Variants in TRPS1 observed in about 807,000 individuals in gnomAD.
The protein encoded by TRPS1 is zinc finger transcription factor Trps1.
In TRPS1, 6 loss-of-function variants were observed where a neutral mutation model predicts 101.2. That is an observed-to-expected ratio of 0.06 (90% CI 0.03 to 0.12). The LOEUF is 0.12. Ranked by LOEUF, TRPS1 falls within the 10% of genes least tolerant of loss-of-function variation. TRPS1 has a pLI of 1.00. For missense variants in TRPS1, 1,363 were observed against 1,567.0 expected (o/e 0.87, Z 2.20); for synonymous variants, 578 against 589.8 (o/e 0.98, Z 0.29).
chr8:115,432,242 A>T (rs1180633), intron 5 of TRPS1, among the ~76,000 whole-genome samples: 151,759 of 151,760 alleles, frequency 1, 75,879 homozygotes, highest in Non-Finnish European at 1. Context: ...CAGTAGGATT[A>T]AACGAAGAAT....
intron 5 of TRPS1, among the ~76,000 whole-genome samples, chr8:115,485,708 C>T (rs1013904667): frequency 3.3e-5 from 5 of 152,006 alleles, no homozygotes; most frequent in African/African-American, 4.8e-5. Context: ...CGAAAAGGCA[C>T]AGATATAGGA....
At chr8:115,438,516 T>A (rs755358678) in intron 5 of TRPS1, among the ~76,000 whole-genome samples, 1 of 152,334 alleles carries the variant, frequency 6.6e-6, no homozygotes, top group East Asian at 1.9e-4. Context: ...TGCCTCTACC[T>A]CTGCCAGTCA....
intron 5 of TRPS1, among the ~76,000 whole-genome samples, chr8:115,446,456 C>T (rs1273997113): frequency 6.6e-6 from 1 of 151,998 alleles, no homozygotes; most frequent in Non-Finnish European, 1.5e-5. Flanking sequence ...AGATTGGTTC[C>T]TGTTTCAAAA....
intron 5 of TRPS1, among the ~76,000 whole-genome samples, chr8:115,463,531 A>C (rs1278774555): frequency 6.6e-6 from 1 of 152,048 alleles, no homozygotes; most frequent in East Asian, 1.9e-4. Flanking sequence ...GGAGTGGTGC[A>C]TGGGAGTCTG....
At chr8:115,625,483 G>C (rs975475476) in intron 1 of TRPS1, among the ~76,000 whole-genome samples, 2 of 151,776 alleles carry the variant, frequency 1.3e-5, no homozygotes, top group African/African-American at 4.8e-5. Flanking sequence ...CCGGCGCCAA[G>C]GGTGGTTTAA....
intron 1 of TRPS1, among the ~76,000 whole-genome samples, chr8:115,636,175 A>G (rs142502586): frequency 0.011 from 1,618 of 152,080 alleles, 26 homozygotes; most frequent in Middle Eastern, 0.052. Flanking sequence ...GTATATGTAC[A>G]TACATATAAT....
intron 5 of TRPS1, among the ~76,000 whole-genome samples, chr8:115,490,804 TTG>T: frequency 6.6e-6 from 1 of 152,184 alleles, no homozygotes; most frequent in East Asian, 1.9e-4. Flanking sequence ...TCCCAGAATT[TTG>T]GAGGCTGGTT....
In TRPS1 at chr8:115,418,532, G is replaced by C. The variant is rs191821073; in HGVS notation, c.2701-80C>G. ...TAGACCAAATCAACCCAGGAGTTTT[G>C]TCTTTAAACTAGCAACAATGACAGT... On this transcript the variant is annotated intron_variant, in intron 5 of 6. Transcript: ENST00000395715. The surrounding 1 kb of genome is among the most constrained non-coding windows in gnomAD (Gnocchi z 4.3). 1 of 1,597,862 alleles carries C rather than the reference G, an allele frequency of 6.3e-7. No individual in the cohort carries two copies. The highest frequency in any genetic ancestry group is 1.3e-5 in the African/African-American group (1 of 74,556).
At position 115,604,062 on chromosome 8, in the gene TRPS1, G is replaced by A. The variant is rs369903440; in HGVS notation, c.1907C>T (p.Thr636Ile). 1.7e-5 allele frequency: 27 copies of A among 1,613,964 alleles called. No individual in the cohort carries two copies. In the African/African-American group the frequency reaches 3.3e-4, roughly 20 times the overall value. Residue 636 changes from threonine to isoleucine, a missense_variant, in exon 4 of 7, where the codon ACC (threonine) becomes ATC (isoleucine). Thr to Ile is a moderately conservative substitution (Grantham distance 89). Transcript: ENST00000395715. This position sits in a 1 kb window ranked among gnomAD's most constrained non-coding sequence, Gnocchi z 4.1. ...KHQCHQCSFT[T>I]PDVDVLLFHY... ...AAAGAGGAGTACATCTACGTCAGGGGTGGTGAATGAACACTGATGGCACTG... is the reference window on the plus strand; with the variant it reads ...AAAGAGGAGTACATCTACGTCAGGGATGGTGAATGAACACTGATGGCACTG...
intron 5 of TRPS1, among the ~76,000 whole-genome samples, chr8:115,460,662 C>G (rs1055818428): frequency 1.3e-5 from 2 of 151,728 alleles, no homozygotes; most frequent in Non-Finnish European, 2.9e-5. Flanking sequence ...CTGTTTTTTT[C>G]TTAGAGTGAA....
chr8:115,586,221 G>C (rs1431250840), intron 5 of TRPS1, among the ~76,000 whole-genome samples: 1 of 152,178 alleles, frequency 6.6e-6, no homozygotes, highest in Non-Finnish European at 1.5e-5. Context: ...CTTAGGCATC[G>C]AGCAACTATC....
At chr8:115,547,856 G>T (rs1019279906) in intron 5 of TRPS1, among the ~76,000 whole-genome samples, 1 of 152,058 alleles carries the variant, frequency 6.6e-6, no homozygotes, top group Non-Finnish European at 1.5e-5. Context: ...AACTGTGCTG[G>T]GTTGTAAACA....
At chr8:115,668,037 G>T (rs935204455) in intron 1 of TRPS1, 12 of 766,138 alleles carry the variant, frequency 1.6e-5, no homozygotes, top group Non-Finnish European at 2.5e-5. Context: ...CAGCGAGGGG[G>T]AGTGGGGCTG....
At chr8:115,465,235 G>A (rs1814288084) in intron 5 of TRPS1, among the ~76,000 whole-genome samples, 1 of 151,962 alleles carries the variant, frequency 6.6e-6, no homozygotes, top group South Asian at 2.1e-4. Context: ...GTGAATCAGG[G>A]TAATATTTCA....
chr8:115,651,252 T>A (rs899174479), intron 1 of TRPS1, among the ~76,000 whole-genome samples: 1 of 152,174 alleles, frequency 6.6e-6, no homozygotes, highest in African/African-American at 2.4e-5. Context: ...TTAGTTTCAC[T>A]GACACTGTCC....
chr8:115,535,443 C>T (rs565549236), intron 5 of TRPS1, among the ~76,000 whole-genome samples: 10 of 144,742 alleles, frequency 6.9e-5, no homozygotes, highest in Non-Finnish European at 1.2e-4. Flanking sequence ...ATATATATAG[C>T]GTATATAGTG....
At chr8:115,615,452 A>G (rs1437795971) in intron 3 of TRPS1, among the ~76,000 whole-genome samples, 1 of 152,226 alleles carries the variant, frequency 6.6e-6, no homozygotes, top group East Asian at 1.9e-4. Context: ...TGGTTTAAAT[A>G]TAAGCATAAT....
chr8:115,509,902 G>A (rs914173212), intron 5 of TRPS1, among the ~76,000 whole-genome samples: 1 of 151,924 alleles, frequency 6.6e-6, no homozygotes, highest in Non-Finnish European at 1.5e-5. Context: ...TTCTTCAACA[G>A]GTTTCCAGAG....
At chr8:115,520,253 A>G (rs1815824676) in intron 5 of TRPS1, among the ~76,000 whole-genome samples, 1 of 151,840 alleles carries the variant, frequency 6.6e-6, no homozygotes, top group Non-Finnish European at 1.5e-5. Context: ...GTATGCATAC[A>G]TACCCATACA....
Sources: allele counts gnomAD v4.1 joint callset (sites outside exome capture counted in the v4.1 genomes callset), GRCh38; gene constraint gnomAD v4.1.1; non-coding constraint Gnocchi (gnomAD v3.1); transcripts MANE v1.5; gene names NCBI Gene and HGNC (gene_info 2026-07-23, HGNC 2026-07-21).